ZFC3H1: variants seen among roughly 807,000 people sequenced by gnomAD.
ZFC3H1 encodes zinc finger C3H1 domain-containing protein.
Under a neutral mutation model 243.7 loss-of-function variants are expected in ZFC3H1, and 71 were observed. The observed-to-expected ratio is 0.29, with a 90% CI of 0.24 to 0.36. ZFC3H1 has a LOEUF of 0.36. Among genes scored for constraint, ZFC3H1 ranks in the 10% least tolerant of loss-of-function variants. ZFC3H1 has a pLI of 1.00. For synonymous variants in ZFC3H1, 838 were observed against 813.0 expected (o/e 1.03, Z -0.52); for missense variants, 1,966 against 2,317.1 (o/e 0.85, Z 3.11).
Position 71,642,415 on chromosome 12 carries a change from GTTTCAAGTT to G in ZFC3H1, c.1627+12_1627+20del, listed in dbSNP as rs770336673. 6.2e-7 allele frequency: 1 copy of G among 1,604,830 alleles called. No individual in the cohort carries two copies. Among genetic ancestry groups the G allele is most frequent in the Non-Finnish European group, 8.5e-7 (1 of 1,175,738 alleles). ...ATTTAATACATGTAAATACACAAAG[GTTTCAAGTT>G]TTGGCTCATACCTGGAGAACTGGTT... is the stretch of plus-strand genomic sequence containing the variant. On this transcript the variant is annotated intron_variant, in intron 6 of 34. Coordinates refer to ENST00000378743, the MANE Select transcript of ZFC3H1 (RefSeq NM_144982.5).
chr12:71,622,941 G>A (rs906267852), intron 24 of ZFC3H1, among the ~76,000 whole-genome samples: 4 of 151,544 alleles, frequency 2.6e-5, no homozygotes, highest in Admixed American at 1.3e-4. Flanking sequence ...ATTTAATATA[G>A]AGAAGCAACC....
chr12:71,624,115 C>G lies in ZFC3H1; in HGVS notation c.4495G>C (p.Ala1499Pro). The G allele has an allele frequency of 6.2e-7, 1 of 1,611,060 alleles. No individual in the cohort carries two copies. The highest frequency in any genetic ancestry group is 8.5e-7 in the Non-Finnish European group (1 of 1,179,042). ...IFTGRCQSAL[A>P]ILQNALKSAN... ...TACCAAGTGCTTACCTGTAAAATTGCCAGTGCACTTTGGCATCTTCCAGTA... is the reference window on the plus strand; with the variant it reads ...TACCAAGTGCTTACCTGTAAAATTGGCAGTGCACTTTGGCATCTTCCAGTA... Residue 1499 changes from alanine (A) to proline (P), a missense_variant, in exon 23 of 35, where the codon GCA becomes CCA. Physicochemically the swap from Ala to Pro is conservative, Grantham distance 27. Coordinates refer to ENST00000378743, the MANE Select transcript of ZFC3H1 (RefSeq NM_144982.5).
At position 71,632,145 on chromosome 12, in the gene ZFC3H1, T is replaced by C. The variant is rs757974811; in HGVS notation, c.3187A>G (p.Thr1063Ala). 6.2e-7 allele frequency: 1 copy of C among 1,609,902 alleles called. No homozygotes were observed. The highest frequency in any genetic ancestry group is 1.7e-5 in the Admixed American group (1 of 58,788). The change falls in exon 15 of 35, where the codon ACT becomes GCT. Residue 1063 changes from threonine (T) to alanine (A), a missense_variant. Around this residue, in one of 4 missense-constraint regions of ZFC3H1, gnomAD observed 1,383 missense variants for 1,723.7 expected, o/e 0.80. Coordinates refer to ENST00000378743, the MANE Select transcript of ZFC3H1 (RefSeq NM_144982.5). ...FTKPNLKHTDTANKECINKLN... is the reference protein window; with the variant it reads ...FTKPNLKHTDAANKECINKLN... ...TTGTTTATGCATTCTTTGTTAGCAG[T>C]ATCAGTGTGCTTAAGGTTAGGTTTA...
intron 8 of ZFC3H1, 67 bp from the exon 9 acceptor site, chr12:71,636,721 T>A (rs1439447002): frequency 1.9e-6 from 3 of 1,560,120 alleles, no homozygotes; most frequent in Non-Finnish European, 2.6e-6. Context: ...CCTTTAAAAA[T>A]CTTGAGCATG....
chr12:71,612,884 A>G (rs1379387892), intron 31 of ZFC3H1, among the ~76,000 whole-genome samples: 1 of 152,200 alleles, frequency 6.6e-6, no homozygotes, highest in Non-Finnish European at 1.5e-5. Flanking sequence ...GTGCTTCAAA[A>G]ATGTAGTGTG....
chr12:71,626,209 TACAC>T lies in ZFC3H1; in HGVS notation c.4317+47_4317+50del, dbSNP rs55719302. 2.5e-4 allele frequency: 276 copies of T among 1,088,718 alleles called. 1 individual carries two copies. Among genetic ancestry groups the T allele is most frequent in the African/African-American group, 7.6e-4 (51 of 66,722 alleles). The allele number at this position is 1,088,718 out of a possible 1,614,324, so 67.4% of individuals were successfully genotyped here. ...ATTTTTAAGATGATCCAAATAATTA[TACAC>T]ACACACACACACACACACACACACG... On this transcript the variant is annotated intron_variant, in intron 22 of 34. Transcript: ENST00000378743.
rs1353902822 is a variant in ZFC3H1, at chr12:71,657,086, T to C, written c.814A>G (p.Thr272Ala). The C allele has an allele frequency of 1.9e-6, 3 of 1,613,998 alleles. No individual in the cohort carries two copies. Among genetic ancestry groups the C allele is most frequent in the Non-Finnish European group, 2.5e-6 (3 of 1,179,924 alleles). The change falls in exon 2 of 35, where the codon ACT becomes GCT. Residue 272 changes from threonine (T) to alanine (A), a missense_variant. By Grantham distance (58) the Thr-to-Ala change is moderately conservative (BLOSUM62 0). Around this residue, in one of 4 missense-constraint regions of ZFC3H1, gnomAD observed 484 missense variants for 449.7 expected, o/e 1.08. Coordinates refer to ENST00000378743, the MANE Select transcript of ZFC3H1 (RefSeq NM_144982.5). ...TCCTTTGTAATACTGACATTATCAG[T>C]GCTAGTTTGGTCCTCGAAGTTCAAT... ...KTLNFEDQTS[T>A]DNVSITKDSS...
At position 71,636,669 on chromosome 12, in the gene ZFC3H1, G is replaced by A; in HGVS notation, c.1936-15C>T. 1 of 1,595,196 alleles carries A rather than the reference G, an allele frequency of 6.3e-7. No homozygotes were observed. The highest frequency in any genetic ancestry group is 1.1e-5 in the South Asian group (1 of 87,230). On this transcript the variant is annotated splice_polypyrimidine_tract_variant and intron_variant, in intron 8 of 34. Transcript: ENST00000378743. ...CTGGATGTTTCCTACATAAGGAAGA[G>A]AAAGACATTAAACATTCCTAAATAA...
chr12:71,629,593 T>G lies in ZFC3H1; in HGVS notation c.3826+16A>C. On this transcript the variant is annotated intron_variant, in intron 19 of 34. Coordinates refer to ENST00000378743, the MANE Select transcript of ZFC3H1 (RefSeq NM_144982.5). ...CACACACACACACACACACACACAC[T>G]TATATATGTACTTACTATGACCTTT... The G allele has an allele frequency of 1.5e-6, 1 of 669,852 alleles. No individual in the cohort carries two copies. The highest frequency in any genetic ancestry group is 2.4e-6 in the Non-Finnish European group (1 of 412,072). 41.5% of individuals were successfully genotyped at this position (669,852 alleles called of 1,614,324 possible).
rs1430420951 is a variant in ZFC3H1, at chr12:71,663,500, C to T, written c.111G>A (p.Arg37=). 2 of 1,613,546 alleles carry T rather than the reference C, an allele frequency of 1.2e-6. No homozygotes were observed. The highest frequency in any genetic ancestry group is 3.3e-5 in the Admixed American group (2 of 60,036). The stretch of plus-strand genomic sequence containing the variant: ...CGCTGCTGCTGCTGCTGCTCCGACT[C>T]CGTATCTGGCTGTTATTATCGTCGT... ...ISDDDNNSQI[R]SRSSSSSSGG... is the part of the protein sequence containing the mutation. Residue 37 remains arginine, a synonymous_variant, in exon 1 of 35, where the codon CGG becomes CGA. Coordinates refer to ENST00000378743, the MANE Select transcript of ZFC3H1 (RefSeq NM_144982.5).
chr12:71,660,818 C>T (rs1034475932), intron 1 of ZFC3H1, among the ~76,000 whole-genome samples: 1 of 151,840 alleles, frequency 6.6e-6, no homozygotes, highest in Non-Finnish European at 1.5e-5. Flanking sequence ...ATCTTTGTAC[C>T]TTTAAAAAAC....
chr12:71,646,405 A>C (rs1592599281), intron 3 of ZFC3H1, among the ~76,000 whole-genome samples: 1 of 135,202 alleles, frequency 7.4e-6, no homozygotes, highest in African/African-American at 2.5e-5. Flanking sequence ...ACCAAAACTG[A>C]ATTTAAAAAT....
At chr12:71,654,256 A>G (rs969592603) in intron 2 of ZFC3H1, among the ~76,000 whole-genome samples, 3 of 152,110 alleles carry the variant, frequency 2.0e-5, no homozygotes, top group African/African-American at 7.2e-5. Context: ...CCTAGACAAC[A>G]TACTGAGACC....
chr12:71,620,418 C>G, intron 24 of ZFC3H1, 103 bp from the exon 25 acceptor site: 7 of 1,174,048 alleles, frequency 6.0e-6, no homozygotes, highest in Non-Finnish European at 8.7e-6. Context: ...AAGATGACCC[C>G]TCCCTTTGAT....
chr12:71,650,920 C>T (rs1880867883), intron 2 of ZFC3H1, among the ~76,000 whole-genome samples: 1 of 152,154 alleles, frequency 6.6e-6, no homozygotes, highest in Non-Finnish European at 1.5e-5. Context: ...TCTCTAATCC[C>T]TTCTCTCCCA....
intron 11 of ZFC3H1, 55 bp downstream of exon 11, chr12:71,634,649 G>C: frequency 6.5e-7 from 1 of 1,528,388 alleles, no homozygotes; most frequent in Non-Finnish European, 8.8e-7. Context: ...CTCTATAAGA[G>C]AAGTTTTGAA....
chr12:71,626,137 T>C, intron 22 of ZFC3H1, 123 bp downstream of exon 22: 3 of 968,344 alleles, frequency 3.1e-6, no homozygotes, highest in Non-Finnish European at 4.3e-6. Context: ...GTAAGGTTAT[T>C]ATGTCTATAT....
At chr12:71,624,719 A>G (rs1322962494) in intron 22 of ZFC3H1, among the ~76,000 whole-genome samples, 1 of 152,234 alleles carries the variant, frequency 6.6e-6, no homozygotes, top group Non-Finnish European at 1.5e-5. Context: ...TCATGCCTGT[A>G]ATCCCAGCAC....
intron 1 of ZFC3H1, among the ~76,000 whole-genome samples, chr12:71,661,951 G>C (rs891076633): frequency 4.6e-5 from 7 of 152,278 alleles, no homozygotes; most frequent in African/African-American, 1.7e-4. Flanking sequence ...CTGGACCTAA[G>C]TGTTCTATAA....
Sources: allele counts gnomAD v4.1 joint callset (sites outside exome capture counted in the v4.1 genomes callset), GRCh38; gene constraint gnomAD v4.1.1; regional missense constraint gnomAD v4.1.1; transcripts MANE v1.5; gene names NCBI Gene and HGNC (gene_info 2026-07-23, HGNC 2026-07-21).